LANCL1: variants seen among roughly 807,000 people sequenced by gnomAD.
LANCL1 encodes glutathione S-transferase LANCL1.
In LANCL1, 50 loss-of-function variants were observed where a neutral mutation model predicts 50.6. The observed-to-expected ratio is 0.99, with a 90% CI of 0.79 to 1.25. The LOEUF is 1.25. LANCL1 is among the 50% of genes most tolerant of loss of function. The pLI, the probability that LANCL1 is intolerant of heterozygous loss-of-function variation, is 0.00. For synonymous variants in LANCL1, 188 were observed against 178.6 expected, an observed-to-expected ratio of 1.05 and a Z score of -0.42; for missense variants, 532 against 480.7, an observed-to-expected ratio of 1.11 and a Z score of -1.00.
chr2:210,436,417 A>G (rs1211810895), intron 7 of LANCL1, 25 bp from the exon 8 acceptor site: 1 of 1,605,076 alleles, frequency 6.2e-7, no homozygotes, highest in Non-Finnish European at 8.5e-7. Flanking sequence ...GACACATTTT[A>G]TTATACGGGA....
intron 4 of LANCL1, among the ~76,000 whole-genome samples, chr2:210,449,867 T>G (rs1693459577): frequency 6.6e-6 from 1 of 152,140 alleles, no homozygotes; most frequent in African/African-American, 2.4e-5. Flanking sequence ...TGGAAAAACA[T>G]TCCATGCTCA....
In LANCL1 at chr2:210,433,408, T is replaced by C. The variant is rs1692813756; in HGVS notation, c.*1079A>G. On this transcript the variant is annotated 3_prime_UTR_variant, in exon 10 of 10. Coordinates refer to ENST00000450366, the MANE Select transcript of LANCL1 (RefSeq NM_006055.3). The stretch of plus-strand genomic sequence containing the variant: ...TTTCTATTAAATGCTTAGTTTAGTG[T>C]TTTTGTTCAAGTTATTGGTTAGATA... 6.6e-6 allele frequency: 1 copy of C among 152,330 alleles called. No individual in the cohort carries two copies. The allele number at this position is 152,330 out of a possible 1,614,324, so 9.4% of individuals were successfully genotyped here.
chr2:210,465,856 G>C (rs747287957), intron 3 of LANCL1, among the ~76,000 whole-genome samples: 20 of 152,212 alleles, frequency 1.3e-4, no homozygotes, highest in African/African-American at 3.6e-4. Context: ...CCCTATTCTG[G>C]GGGGGGAAAA....
intron 3 of LANCL1, among the ~76,000 whole-genome samples, chr2:210,467,914 T>G (rs1038131944): frequency 3.3e-5 from 5 of 152,186 alleles, no homozygotes; most frequent in Non-Finnish European, 5.9e-5. Flanking sequence ...AGACATACAA[T>G]TATGGGGTTT....
chr2:210,455,432 C>A, intron 3 of LANCL1, 118 bp from the exon 4 acceptor site: 1 of 814,540 alleles, frequency 1.2e-6, no homozygotes, highest in Non-Finnish European at 1.9e-6. Context: ...TATTAATGAT[C>A]TGGAAGTTTG....
Position 210,432,560 on chromosome 2 carries a change from C to T in LANCL1, c.*1927G>A, listed in dbSNP as rs1310016144. 2 of 152,322 alleles carry T rather than the reference C, an allele frequency of 1.3e-5. No homozygotes were observed. Among genetic ancestry groups the T allele is most frequent in the African/African-American group, 2.4e-5 (1 of 41,578 alleles). The allele number at this position is 152,322 out of a possible 1,614,324, so 9.4% of individuals were successfully genotyped here. On this transcript the variant is annotated 3_prime_UTR_variant, in exon 10 of 10. Transcript: ENST00000450366. ...TTCCTGGGGTTAAGCATTGCTATCA[C>T]GATGCTTGGAGAACTGTGATCAAGT...
At position 210,431,677 on chromosome 2, in the gene LANCL1, A is replaced by G. The variant is rs1692749907; in HGVS notation, c.*2810T>C. 1 of 152,162 alleles carries G rather than the reference A, an allele frequency of 6.6e-6. No homozygotes were observed. The allele number at this position is 152,162 out of a possible 1,614,324, so 9.4% of individuals were successfully genotyped here. ...TCAATTCAGTTATTTAGGAAATGTT[A>G]ATAAAGAAAGTAACCCTAGATCCAC... is the stretch of plus-strand genomic sequence containing the variant. On this transcript the variant is annotated 3_prime_UTR_variant, in exon 10 of 10. Coordinates refer to ENST00000450366, the MANE Select transcript of LANCL1 (RefSeq NM_006055.3).
At chr2:210,450,909 G>A (rs766586097) in intron 4 of LANCL1, among the ~76,000 whole-genome samples, 1 of 152,200 alleles carries the variant, frequency 6.6e-6, no homozygotes, top group Non-Finnish European at 1.5e-5. Flanking sequence ...AACCATTGTG[G>A]AAGACAGTGT....
chr2:210,444,706 A>G (rs1693256174), intron 4 of LANCL1, among the ~76,000 whole-genome samples: 1 of 152,198 alleles, frequency 6.6e-6, no homozygotes, highest in African/African-American at 2.4e-5. Context: ...TATACTGAGA[A>G]ATAGATAACC....
intron 4 of LANCL1, among the ~76,000 whole-genome samples, chr2:210,445,470 AGG>A (rs1693292094): frequency 6.6e-6 from 1 of 152,216 alleles, no homozygotes; most frequent in African/African-American, 2.4e-5. Context: ...AGGGTAATAA[AGG>A]AAGCATATCC....
chr2:210,465,759 T>C (rs1247413832), intron 3 of LANCL1, among the ~76,000 whole-genome samples: 1 of 152,112 alleles, frequency 6.6e-6, no homozygotes, highest in African/African-American at 2.4e-5. Flanking sequence ...AGCAGCAGCT[T>C]TTGCCAACCA....
intron 2 of LANCL1, among the ~76,000 whole-genome samples, chr2:210,474,462 TC>T (rs1480067474): frequency 6.6e-6 from 1 of 151,830 alleles, no homozygotes; most frequent in African/African-American, 2.4e-5. Context: ...ACACCTGTAA[TC>T]CCGGCACTTT....
Position 210,436,233 on chromosome 2 carries a change from G to T in LANCL1, c.1033C>A (p.Leu345Met). Reference sequence around the variant, plus strand: ...ACTCCTACCTTACAGGCCCTATACAGGTACTTCATGTCCTGTGTGAGGTTG... The same window carrying T: ...ACTCCTACCTTACAGGCCCTATACATGTACTTCATGTCCTGTGTGAGGTTG... The part of the protein sequence containing the change: ...LYNLTQDMKY[L>M]YRACKFAEWC... Residue 345 changes from leucine to methionine, a missense_variant, in exon 8 of 10, where the codon CTG (leucine) becomes ATG (methionine). Coordinates refer to ENST00000450366, the MANE Select transcript of LANCL1 (RefSeq NM_006055.3). The T allele has an allele frequency of 6.2e-7, 1 of 1,613,840 alleles. No individual in the cohort carries two copies. The highest frequency in any genetic ancestry group is 8.5e-7 in the Non-Finnish European group (1 of 1,179,908).
chr2:210,460,708 G>A (rs1693827566), intron 3 of LANCL1: 1 of 152,200 alleles, frequency 6.6e-6, no homozygotes, highest in African/African-American at 2.4e-5. Context: ...AATCCACTGA[G>A]TAGGACATAT....
At position 210,436,394 on chromosome 2, in the gene LANCL1, T is replaced by C. The variant is rs2105883663; in HGVS notation, c.874-2A>G. The C allele has an allele frequency of 6.2e-7, 1 of 1,613,274 alleles. No individual in the cohort carries two copies. Among genetic ancestry groups the C allele is most frequent in the African/African-American group, 1.3e-5 (1 of 75,014 alleles). ...GAGATACTTTTCCTCTCTGAATACC[T>C]GCAGAGGCAAAGGACACATTTTATT... On this transcript the variant is annotated splice_acceptor_variant, in intron 7 of 9. Transcript: ENST00000450366. LOFTEE classifies it high-confidence loss of function.
chr2:210,474,739 A>AAAATAAAAAAAT (rs1553715860), intron 2 of LANCL1, among the ~76,000 whole-genome samples: 3 of 147,990 alleles, frequency 2.0e-5, no homozygotes, highest in South Asian at 2.1e-4. Context: ...AATAAAAATA[A>AAAATAAAAAAAT]AAATAAATAA....
chr2:210,444,176 A>AAATAT (rs1693236703), intron 4 of LANCL1, among the ~76,000 whole-genome samples: 4 of 152,166 alleles, frequency 2.6e-5, no homozygotes, highest in Non-Finnish European at 5.9e-5. Flanking sequence ...CAGTCTCTGG[A>AAATAT]GACCACCAAT....
In LANCL1 at chr2:210,440,647, T is replaced by C; in HGVS notation, c.641A>G (p.Tyr214Cys). ...PLMYEWYQEY[Y>C]VGAAHGLAGI... ...AGCCAGGCCATGAGCAGCCCCTACA[T>C]AATATTCCTGGTACCATTCATACAT... The change falls in exon 6 of 10, where the codon TAT becomes TGT. Residue 214 changes from tyrosine to cysteine, a missense_variant. By Grantham distance (194) the Tyr-to-Cys change is radical. Coordinates refer to ENST00000450366, the MANE Select transcript of LANCL1 (RefSeq NM_006055.3). 7.4e-6 allele frequency: 12 copies of C among 1,613,964 alleles called. No individual in the cohort carries two copies. Among genetic ancestry groups the C allele is most frequent in the Non-Finnish European group, 1.0e-5 (12 of 1,179,910 alleles).
At chr2:210,476,460 G>A (rs1574450454) in intron 1 of LANCL1, 48 bp from the exon 2 acceptor site, 1 of 1,508,366 alleles carries the variant, frequency 6.6e-7, no homozygotes, top group East Asian at 2.4e-5. Flanking sequence ...AGGGGCCTCG[G>A]CCGAGTTGCG....
Sources: allele counts gnomAD v4.1 joint callset (sites outside exome capture counted in the v4.1 genomes callset), GRCh38; gene constraint gnomAD v4.1.1; transcripts MANE v1.5; gene names NCBI Gene and HGNC (gene_info 2026-07-23, HGNC 2026-07-21).